The following ARHGAP39 variants were observed in gnomAD, a reference collection of about 807,000 sequenced individuals.
ARHGAP39 encodes the protein Rho GTPase activating protein 39.
A neutral mutation model predicts 106.9 loss-of-function variants in ARHGAP39; 44 were observed. That is an observed-to-expected ratio of 0.41 (90% CI 0.32 to 0.53). The LOEUF (loss-of-function observed/expected upper bound fraction) is 0.53. Ranked by LOEUF, ARHGAP39 falls within the 20% of genes least tolerant of loss-of-function variation. The pLI is 0.21. For synonymous variants in ARHGAP39, 768 were observed against 693.2 expected, an observed-to-expected ratio of 1.11 and a Z score of -1.69; for missense variants, 1,496 against 1,577.3, an observed-to-expected ratio of 0.95 and a Z score of 0.87.
intron 2 of ARHGAP39, among the ~76,000 whole-genome samples, chr8:144,602,903 CTGTGTG>C (rs201798595): frequency 3.2e-5 from 3 of 93,318 alleles, no homozygotes; most frequent in Non-Finnish European, 4.1e-5. Flanking sequence ...GCTCATGTAC[CTGTGTG>C]TGTGTGCGTG....
In ARHGAP39 at chr8:144,533,112, G is replaced by A. The variant is rs1201855870; in HGVS notation, c.2888+14C>T. 2 of 1,593,212 alleles carry A rather than the reference G, an allele frequency of 1.3e-6. No homozygotes were observed. Among genetic ancestry groups the A allele is most frequent in the African/African-American group, 1.3e-5 (1 of 74,848 alleles). On this transcript the variant is annotated intron_variant, in intron 9 of 11. Coordinates refer to ENST00000377307, the MANE Select transcript of ARHGAP39 (RefSeq NM_025251.3). ...TGTGGCCCCCACACCCGGCGCCCGG[G>A]GTTGCCGTGGCACCTGAAGATGCCC...
chr8:144,530,348 TGCCGGGAGAGCGAGTGCGGAGTTC>T lies in ARHGAP39; in HGVS notation c.*50_*73del. 1 of 1,476,230 alleles carries T rather than the reference TGCCGGGAGAGCGAGTGCGGAGTTC, an allele frequency of 6.8e-7. No individual in the cohort carries two copies. The highest frequency in any genetic ancestry group is 9.1e-7 in the Non-Finnish European group (1 of 1,095,226). 91.4% of individuals were successfully genotyped at this position (1,476,230 alleles called of 1,614,324 possible). ...CTGGGCCGGGCGATTCTGGCCCCTC[TGCCGGGAGAGCGAGTGCGGAGTTC>T]GGCCTGGCTGGGGGCGGCAGGACAT... On this transcript the variant is annotated 3_prime_UTR_variant, in exon 12 of 12. Transcript: ENST00000377307.
chr8:144,545,845 T>A, intron 5 of ARHGAP39, 35 bp from the exon 6 acceptor site: 1 of 1,042,206 alleles, frequency 9.6e-7, no homozygotes, highest in Non-Finnish European at 1.3e-6. Context: ...CTGTTGGGGG[T>A]GGGGGAGGGC....
intron 2 of ARHGAP39, among the ~76,000 whole-genome samples, chr8:144,582,703 G>C (rs1019495078): frequency 1.3e-5 from 2 of 152,308 alleles, no homozygotes; most frequent in African/African-American, 4.8e-5. Flanking sequence ...GATGAGGCGG[G>C]TGGGACTGGG....
intron 2 of ARHGAP39, among the ~76,000 whole-genome samples, chr8:144,605,287 T>C (rs1033694423): frequency 2.0e-5 from 3 of 151,846 alleles, no homozygotes; most frequent in Non-Finnish European, 4.4e-5. Flanking sequence ...ATGAATAAAT[T>C]AGAAAATCAA....
In ARHGAP39 at chr8:144,670,815, T is replaced by C. The variant is rs1248285308; in HGVS notation, c.-82+14871A>G. 2.0e-5 allele frequency among the ~76,000 whole-genome samples: 3 copies of C among 152,178 alleles called. No individual in the cohort carries two copies. The highest frequency in any genetic ancestry group is 7.2e-5 in the African/African-American group (3 of 41,438). ...GCAGCTGCCAACTGTGTGTATCTGT[T>C]TCCTGCACTAGACTCTGAGCTTCAA... On this transcript the variant is annotated intron_variant, in intron 1 of 11. Coordinates refer to ENST00000377307, the MANE Select transcript of ARHGAP39 (RefSeq NM_025251.3). This position sits in a 1 kb window ranked among gnomAD's most constrained non-coding sequence, Gnocchi z 4.4.
intron 1 of ARHGAP39, among the ~76,000 whole-genome samples, chr8:144,612,006 T>C (rs1365413036): frequency 7.2e-6 from 1 of 139,196 alleles, no homozygotes; most frequent in African/African-American, 2.7e-5. Flanking sequence ...CAAAACTCCA[T>C]GTAAAAAAAA....
intron 4 of ARHGAP39, among the ~76,000 whole-genome samples, chr8:144,552,439 G>A (rs1817747358): frequency 6.6e-6 from 1 of 152,208 alleles, no homozygotes. Context: ...CGAGGAAAAC[G>A]CTCCGCCAGA....
At position 144,530,333 on chromosome 8, in the gene ARHGAP39, C is replaced by T. The variant is rs1816625628; in HGVS notation, c.*89G>A. 5.7e-6 allele frequency: 8 copies of T among 1,404,180 alleles called. No individual in the cohort carries two copies. The highest frequency in any genetic ancestry group is 1.4e-5 in the African/African-American group (1 of 70,350). 87.0% of individuals were successfully genotyped at this position (1,404,180 alleles called of 1,614,324 possible). ...GAGGGGGCTCCAGGGCTGGGCCGGG[C>T]GATTCTGGCCCCTCTGCCGGGAGAG... On this transcript the variant is annotated 3_prime_UTR_variant, in exon 12 of 12. Coordinates refer to ENST00000377307, the MANE Select transcript of ARHGAP39 (RefSeq NM_025251.3).
chr8:144,672,904 C>T (rs999057513), intron 1 of ARHGAP39, among the ~76,000 whole-genome samples: 2 of 152,094 alleles, frequency 1.3e-5, no homozygotes, highest in African/African-American at 2.4e-5. Flanking sequence ...AGTGTAGCAT[C>T]GCTACCACCT....
At chr8:144,582,136 G>A (rs912274259) in intron 2 of ARHGAP39, among the ~76,000 whole-genome samples, 1 of 152,202 alleles carries the variant, frequency 6.6e-6, no homozygotes, top group Non-Finnish European at 1.5e-5. Context: ...GGGCTCAACA[G>A]AAGGGGAGGC....
chr8:144,611,391 T>A (rs916260594), intron 1 of ARHGAP39, among the ~76,000 whole-genome samples: 3 of 152,226 alleles, frequency 2.0e-5, no homozygotes, highest in African/African-American at 7.2e-5. Context: ...TGGTTGATGG[T>A]GCTGATACTA....
At chr8:144,582,323 C>T (rs1819025412) in intron 2 of ARHGAP39, among the ~76,000 whole-genome samples, 3 of 152,208 alleles carry the variant, frequency 2.0e-5, no homozygotes, top group East Asian at 1.9e-4. Flanking sequence ...AGGGACACGG[C>T]GGCTCTGAAA....
chr8:144,613,338 A>G (rs965513357), intron 1 of ARHGAP39, among the ~76,000 whole-genome samples: 1 of 152,154 alleles, frequency 6.6e-6, no homozygotes, highest in African/African-American at 2.4e-5. Context: ...AGACTTCCAC[A>G]TGGTTTTGTT....
intron 1 of ARHGAP39, among the ~76,000 whole-genome samples, chr8:144,637,255 T>A (rs1003784164): frequency 2.5e-4 from 38 of 152,268 alleles, no homozygotes; most frequent in African/African-American, 8.2e-4. Flanking sequence ...TTCTGAGAGA[T>A]TCTCAACTTT....
chr8:144,530,999 C>T, intron 10 of ARHGAP39, 128 bp from the exon 11 acceptor site: 1 of 1,245,438 alleles, frequency 8.0e-7, no homozygotes. Flanking sequence ...TCATTCTGGA[C>T]AGGGCCCATC....
At position 144,581,232 on chromosome 8, in the gene ARHGAP39, C is replaced by T; in HGVS notation, c.126G>A (p.Met42Ile). The stretch of plus-strand genomic sequence containing the variant: ...ACTCACCGGTGACCAGGTTGGCGTA[C>T]ATGCGCTCGCGGGTGCGCGGTTCGA... ...EIIEPRTRER[M>I]YANLVTGECV... Residue 42 changes from methionine (M) to isoleucine (I), a missense_variant, in exon 3 of 12, where the codon ATG (methionine) becomes ATA (isoleucine). Around this residue, in one of 4 missense-constraint regions of ARHGAP39, gnomAD observed 96 missense variants for 107.9 expected, o/e 0.89. Transcript: ENST00000377307. 2 of 1,554,676 alleles carry T rather than the reference C, an allele frequency of 1.3e-6. No homozygotes were observed. Among genetic ancestry groups the T allele is most frequent in the Non-Finnish European group, 1.7e-6 (2 of 1,150,092 alleles).
At chr8:144,594,168 A>G (rs1192174214) in intron 2 of ARHGAP39, among the ~76,000 whole-genome samples, 2 of 152,150 alleles carry the variant, frequency 1.3e-5, no homozygotes, top group African/African-American at 4.8e-5. Flanking sequence ...TCCAAAGAAG[A>G]TATGCAGATG....
chr8:144,657,718 T>C (rs965405714), intron 1 of ARHGAP39, among the ~76,000 whole-genome samples: 1 of 152,178 alleles, frequency 6.6e-6, no homozygotes, highest in Admixed American at 6.5e-5. Flanking sequence ...TTCACCATAT[T>C]AACAGACTAA....
Sources: gnomAD v4.1 joint callset for allele counts (sites outside exome capture counted in the v4.1 genomes callset) on GRCh38, gnomAD v4.1.1 for gene constraint, gnomAD v4.1.1 regional missense constraint, Gnocchi (gnomAD v3.1) non-coding constraint, MANE v1.5 for transcripts, NCBI Gene and HGNC (gene_info 2026-07-23, HGNC 2026-07-21) for gene names.